DLG2: variants seen among roughly 807,000 people sequenced by gnomAD.
The protein encoded by DLG2 is disks large homolog 2.
A neutral mutation model predicts 132.5 loss-of-function variants in DLG2; 45 were observed. That is an observed-to-expected ratio of 0.34 (90% CI 0.27 to 0.44). The LOEUF (loss-of-function observed/expected upper bound fraction) is 0.44. Ranked by LOEUF, DLG2 falls within the 20% of genes least tolerant of loss-of-function variation. DLG2 has a pLI of 1.00. For synonymous variants in DLG2, 424 were observed against 419.6 expected (o/e 1.01, Z -0.13); for missense variants, 1,045 against 1,196.9 (o/e 0.87, Z 1.87).
At chr11:85,088,260 C>A (rs2068251026) in intron 6 of DLG2, among the ~76,000 whole-genome samples, 1 of 152,142 alleles carries the variant, frequency 6.6e-6, no homozygotes, top group African/African-American at 2.4e-5. Flanking sequence ...GCGACCTGAG[C>A]AATGGGAAAG....
chr11:84,379,047 C>G (rs1349547566), intron 7 of DLG2, among the ~76,000 whole-genome samples: 1 of 150,694 alleles, frequency 6.6e-6, no homozygotes, highest in African/African-American at 2.4e-5. Context: ...AACAAATACA[C>G]ATTATTTCTT....
At chr11:83,489,088 G>A (rs571683403) in intron 21 of DLG2, among the ~76,000 whole-genome samples, 2 of 152,072 alleles carry the variant, frequency 1.3e-5, no homozygotes, top group Admixed American at 1.3e-4. Flanking sequence ...ATCAGTAGCT[G>A]CTACAATCAC....
rs79976433 is a variant in DLG2, at chr11:85,043,810, T to C, written c.357+67851A>G. On this transcript the variant is annotated intron_variant, in intron 6 of 27. Transcript: ENST00000376104. ...ATTCAATACACAATGAAAATGAATATTCAGCTTACCCAAATATGTGCTCAA... is the reference window on the plus strand; with the variant it reads ...ATTCAATACACAATGAAAATGAATACTCAGCTTACCCAAATATGTGCTCAA... Among the ~76,000 whole-genome samples, 129 of 152,100 alleles carry C rather than the reference T, an allele frequency of 8.5e-4. 4 individuals are homozygous for C. In the East Asian group the frequency reaches 0.023, roughly 27 times the overall value.
In DLG2 at chr11:84,348,690, G is replaced by C. The variant is rs571001157; in HGVS notation, c.520-97399C>G. ...CCTGTTGTGACTGTGACCTTACTTG[G>C]AAATAGAGTCTTTGTAAATGTAGTC... is the stretch of plus-strand genomic sequence containing the variant. On this transcript the variant is annotated intron_variant, in intron 7 of 27. Coordinates refer to ENST00000376104, the MANE Select transcript of DLG2 (RefSeq NM_001142699.3). 4.1e-4 allele frequency among the ~76,000 whole-genome samples: 62 copies of C among 152,268 alleles called. 2 individuals are homozygous for C. The South Asian group carries it at 0.012, about 29-fold the overall frequency.
chr11:85,183,613 C>G (rs1156703614), intron 4 of DLG2, among the ~76,000 whole-genome samples: 1 of 151,900 alleles, frequency 6.6e-6, no homozygotes, highest in African/African-American at 2.4e-5. Flanking sequence ...TAAACACTAA[C>G]AGGAATAAAA....
chr11:84,055,692 T>C (rs1288821623), intron 11 of DLG2, among the ~76,000 whole-genome samples: 1 of 152,146 alleles, frequency 6.6e-6, no homozygotes, highest in African/African-American at 2.4e-5. Context: ...TTAGCTTAAG[T>C]GACACTTGCT....
chr11:85,426,313 A>G (rs535978033), intron 3 of DLG2, among the ~76,000 whole-genome samples: 1 of 152,298 alleles, frequency 6.6e-6, no homozygotes, highest in South Asian at 2.1e-4. Context: ...ACATCTGAGA[A>G]CGGACAGACT....
chr11:85,164,948 T>C, intron 4 of DLG2, among the ~76,000 whole-genome samples: 1 of 152,122 alleles, frequency 6.6e-6, no homozygotes. Flanking sequence ...CCACCCACAA[T>C]GTCTTAGCAA....
At chr11:85,488,612 G>C (rs889558000) in intron 3 of DLG2, among the ~76,000 whole-genome samples, 1 of 152,016 alleles carries the variant, frequency 6.6e-6, no homozygotes, top group South Asian at 2.1e-4. Flanking sequence ...GCAAGAGAAA[G>C]GTATCAAGTT....
At chr11:83,597,361 A>G (rs1001491043) in intron 19 of DLG2, among the ~76,000 whole-genome samples, 7 of 152,116 alleles carry the variant, frequency 4.6e-5, no homozygotes, top group Admixed American at 3.3e-4. Flanking sequence ...AAAGAATGAG[A>G]TAAAATTTTC....
chr11:85,492,397 C>T (rs910688288), intron 3 of DLG2, among the ~76,000 whole-genome samples: 1 of 152,014 alleles, frequency 6.6e-6, no homozygotes, highest in African/African-American at 2.4e-5. Flanking sequence ...AAAAACAAAC[C>T]ACTAATATAG....
Position 84,113,959 on chromosome 11 carries a change from TA to T in DLG2, c.625-14913del, listed in dbSNP as rs1054792052. Among the ~76,000 whole-genome samples the T allele has an allele frequency of 6.6e-5, 10 of 151,278 alleles. No individual in the cohort carries two copies. In the South Asian group the frequency reaches 1.9e-3, roughly 28 times the overall value. The stretch of plus-strand genomic sequence containing the variant: ...CTGCCTTTCTCCATTCACAGAAGAG[TA>T]AAAAAAATGTCCTATAAAGATATGA... On this transcript the variant is annotated intron_variant, in intron 9 of 27. Transcript: ENST00000376104.
intron 16 of DLG2, among the ~76,000 whole-genome samples, chr11:83,848,953 T>C (rs975253601): frequency 6.6e-6 from 1 of 152,222 alleles, no homozygotes; most frequent in African/African-American, 2.4e-5. Flanking sequence ...GGGGGCATTA[T>C]AGCACTATCA....
intron 19 of DLG2, among the ~76,000 whole-genome samples, chr11:83,595,832 A>T (rs1390080958): frequency 6.6e-6 from 1 of 152,254 alleles, no homozygotes; most frequent in Non-Finnish European, 1.5e-5. Context: ...AAAGTCTGCC[A>T]TTATCAATTT....
intron 18 of DLG2, among the ~76,000 whole-genome samples, chr11:83,762,387 C>T (rs1321260770): frequency 6.6e-6 from 1 of 152,172 alleles, no homozygotes; most frequent in Non-Finnish European, 1.5e-5. Flanking sequence ...GTTACAATGG[C>T]TTTCCAATTA....
At chr11:85,348,633 A>C (rs2083046996) in intron 3 of DLG2, among the ~76,000 whole-genome samples, 1 of 152,034 alleles carries the variant, frequency 6.6e-6, no homozygotes, top group Non-Finnish European at 1.5e-5. Context: ...TCCCCCCTCC[A>C]TGATTACCCC....
intron 18 of DLG2, among the ~76,000 whole-genome samples, chr11:83,669,875 T>A (rs1342939226): frequency 1.3e-5 from 2 of 152,224 alleles, no homozygotes; most frequent in East Asian, 1.9e-4. Flanking sequence ...AATTATGCAG[T>A]TCCTCGTTAG....
chr11:85,241,513 T>C (rs1291768530), intron 4 of DLG2, among the ~76,000 whole-genome samples: 1 of 151,972 alleles, frequency 6.6e-6, no homozygotes, highest in African/African-American at 2.4e-5. Flanking sequence ...TCTGTTTACA[T>C]TAATGGGGTA....
intron 3 of DLG2, among the ~76,000 whole-genome samples, chr11:85,421,925 C>T (rs561393687): frequency 6.6e-6 from 1 of 152,094 alleles, no homozygotes; most frequent in Admixed American, 6.6e-5. Context: ...AAAAAGGCTG[C>T]ATCTTTCCTT....
Sources: allele counts gnomAD v4.1 joint callset (sites outside exome capture counted in the v4.1 genomes callset), GRCh38; gene constraint gnomAD v4.1.1; transcripts MANE v1.5; gene names NCBI Gene and HGNC (gene_info 2026-07-23, HGNC 2026-07-21).